Variants in KATNIP observed in about 807,000 individuals in gnomAD.
KATNIP encodes the protein katanin-interacting protein.
Under a neutral mutation model 174.0 loss-of-function variants are expected in KATNIP, and 126 were observed. That is an observed-to-expected ratio of 0.72 (90% CI 0.63 to 0.84). KATNIP has a LOEUF of 0.84. Among genes scored for constraint, KATNIP ranks in the 40% least tolerant of loss-of-function variants. The probability of loss-of-function intolerance (pLI) is 0.00; values close to 1 mark genes in which losing one functional copy is unlikely to be tolerated. For missense variants in KATNIP, 1,958 were observed against 2,109.7 expected, an observed-to-expected ratio of 0.93 and a Z score of 1.41; for synonymous variants, 810 against 835.7, an observed-to-expected ratio of 0.97 and a Z score of 0.53.
At chr16:27,662,730 T>G (rs573477963) in intron 6 of KATNIP, among the ~76,000 whole-genome samples, 200 of 152,316 alleles carry the variant, frequency 1.3e-3, no homozygotes, top group Non-Finnish European at 2.5e-3. Flanking sequence ...AACTTCTGAA[T>G]CAATATTAGA....
intron 13 of KATNIP, among the ~76,000 whole-genome samples, chr16:27,720,310 C>T (rs1174498589): frequency 3.3e-5 from 5 of 151,924 alleles, no homozygotes; most frequent in Non-Finnish European, 5.9e-5. Context: ...AGGCTGGTCT[C>T]GAGCTCCTGA....
intron 5 of KATNIP, among the ~76,000 whole-genome samples, chr16:27,636,812 A>G (rs1472486512): frequency 6.6e-6 from 1 of 152,206 alleles, no homozygotes; most frequent in Non-Finnish European, 1.5e-5. Context: ...CTTTGGTTTC[A>G]TCATCAATGA....
intron 18 of KATNIP, among the ~76,000 whole-genome samples, chr16:27,760,025 G>A (rs1001647698): frequency 2.6e-5 from 4 of 152,220 alleles, no homozygotes; most frequent in African/African-American, 4.8e-5. Context: ...CAAAAAGTAT[G>A]TTGGGAGATG....
At chr16:27,690,262 G>A (rs910845620) in intron 8 of KATNIP, among the ~76,000 whole-genome samples, 1 of 151,872 alleles carries the variant, frequency 6.6e-6, no homozygotes, top group Non-Finnish European at 1.5e-5. Context: ...GCTGCAGTGA[G>A]CCATACTCAT....
At chr16:27,658,304 G>A (rs954690912) in intron 6 of KATNIP, among the ~76,000 whole-genome samples, 3 of 152,168 alleles carry the variant, frequency 2.0e-5, no homozygotes, top group East Asian at 3.9e-4. Flanking sequence ...TGTTTAAGAC[G>A]CATTTTTTAG....
intron 8 of KATNIP, among the ~76,000 whole-genome samples, chr16:27,682,963 C>T (rs938642648): frequency 2.6e-5 from 4 of 152,120 alleles, no homozygotes; most frequent in African/African-American, 9.7e-5. Flanking sequence ...TGCAGAGTCC[C>T]CACCAGCAAG....
chr16:27,738,714 A>G (rs771689895), intron 14 of KATNIP, among the ~76,000 whole-genome samples: 1 of 152,192 alleles, frequency 6.6e-6, no homozygotes, highest in Non-Finnish European at 1.5e-5. Context: ...ACTTGTTCTG[A>G]GTCCAGAAGT....
chr16:27,708,182 CT>C (rs75510688), intron 12 of KATNIP, among the ~76,000 whole-genome samples: 86 of 145,674 alleles, frequency 5.9e-4, no homozygotes, highest in Admixed American at 7.6e-4. Context: ...GTGCCAAGCT[CT>C]TTTTTTTTTT....
rs532802306 is a variant in KATNIP, at chr16:27,605,012, T to C, written c.64-13413T>C. ...GGCGTGATCTCGGCTCACTGCAACC[T>C]CTGCCTCCCAGGTTCAAGCAATTCT... is the stretch of plus-strand genomic sequence containing the variant. On this transcript the variant is annotated intron_variant, in intron 2 of 27. Transcript: ENST00000261588. 2.5e-3 allele frequency among the ~76,000 whole-genome samples: 385 copies of C among 152,314 alleles called. 2 individuals are homozygous for C. Among genetic ancestry groups the C allele is most frequent in the African/African-American group, 8.8e-3 (366 of 41,576 alleles).
At chr16:27,772,026 C>T (rs1240403032) in intron 22 of KATNIP, among the ~76,000 whole-genome samples, 1 of 152,158 alleles carries the variant, frequency 6.6e-6, no homozygotes, top group African/African-American at 2.4e-5. Context: ...CCTGTAATCC[C>T]AGCGCTTTAG....
At chr16:27,699,398 T>A in intron 9 of KATNIP, 136 bp from the exon 10 acceptor site, 3 of 1,451,502 alleles carry the variant, frequency 2.1e-6, no homozygotes, top group Non-Finnish European at 2.8e-6. Flanking sequence ...CCCAGACCTC[T>A]GACCTTGCCC....
In KATNIP at chr16:27,677,818, CAT is replaced by C. The variant is rs1394589491; in HGVS notation, c.632_633del (p.Ile211ThrfsTer3). 1 of 1,614,180 alleles carries C rather than the reference CAT, an allele frequency of 6.2e-7. No individual in the cohort carries two copies. Among genetic ancestry groups the C allele is most frequent in the Admixed American group, 1.7e-5 (1 of 60,022 alleles). On this transcript the variant is annotated frameshift_variant, in exon 7 of 28. Coordinates refer to ENST00000261588, the MANE Select transcript of KATNIP (RefSeq NM_015202.5). LOFTEE classifies it high-confidence loss of function. ...SDEYDSIEED[I>X]LSEPEPEDPA... is the part of the protein sequence containing the mutation. ...ATGAGTATGACTCTATTGAGGAAGA[CAT>C]ACTCTCTGAGCCTGAGCCAGAGGAC...
rs546857513 is a variant in KATNIP at position 27,637,725 on chromosome 16, G to A, written c.408+6563G>A. Among the ~76,000 whole-genome samples the A allele has an allele frequency of 5.3e-5, 8 of 152,220 alleles. No individual in the cohort carries two copies. Among genetic ancestry groups the A allele is most frequent in the Non-Finnish European group, 1.2e-4 (8 of 68,036 alleles). Reference sequence around the variant, plus strand: ...GGGGATGAGGGTGTCAGGGTTGCAAGTAGGAAGAACCGGCCATGCAGGGCC... The same window carrying A: ...GGGGATGAGGGTGTCAGGGTTGCAAATAGGAAGAACCGGCCATGCAGGGCC... On this transcript the variant is annotated intron_variant, in intron 5 of 27. Coordinates refer to ENST00000261588, the MANE Select transcript of KATNIP (RefSeq NM_015202.5). The surrounding 1 kb of genome is among the most constrained non-coding windows in gnomAD (Gnocchi z 4.7).
chr16:27,608,225 T>A (rs961296039), intron 2 of KATNIP, among the ~76,000 whole-genome samples: 3 of 148,296 alleles, frequency 2.0e-5, no homozygotes, highest in Admixed American at 6.7e-5. Context: ...TTGGTAAAAT[T>A]CTTTTTTTTT....
intron 5 of KATNIP, among the ~76,000 whole-genome samples, chr16:27,640,677 A>ATT (rs11320678): frequency 4.6e-4 from 56 of 122,068 alleles, no homozygotes; most frequent in African/African-American, 1.5e-3. Context: ...TTGGTTTTTA[A>ATT]TTTTTTTTTT....
intron 15 of KATNIP, among the ~76,000 whole-genome samples, chr16:27,741,668 C>A (rs535551483): frequency 6.6e-6 from 1 of 152,080 alleles, no homozygotes; most frequent in African/African-American, 2.4e-5. Context: ...TTTGGGAGGC[C>A]GAGGCGGGCA....
intron 5 of KATNIP, among the ~76,000 whole-genome samples, chr16:27,638,126 G>T (rs2076689599): frequency 6.6e-6 from 1 of 152,162 alleles, no homozygotes; most frequent in Non-Finnish European, 1.5e-5. Context: ...CTTTCTCAGG[G>T]CATGGCCTGG....
intron 2 of KATNIP, among the ~76,000 whole-genome samples, chr16:27,607,043 G>A (rs1252306358): frequency 6.6e-6 from 1 of 152,100 alleles, no homozygotes; most frequent in African/African-American, 2.4e-5. Context: ...TTTTCCAGGA[G>A]GGTCCTTGGG....
At position 27,573,939 on chromosome 16, in the gene KATNIP, T is replaced by C; in HGVS notation, c.46T>C (p.Ser16Pro). 1 of 1,614,146 alleles carries C rather than the reference T, an allele frequency of 6.2e-7. No individual in the cohort carries two copies. The highest frequency in any genetic ancestry group is 8.5e-7 in the Non-Finnish European group (1 of 1,180,018). Residue 16 changes from serine (S) to proline (P), a missense_variant, in exon 2 of 28, where the codon TCA becomes CCA. This residue lies in a region of KATNIP where 1,557 missense variants were observed against 1,617.8 expected (regional missense o/e 0.96). Transcript: ENST00000261588. Reference sequence around the variant, plus strand: ...AAAGGCCGAGAGAAGCTGGTCCTGCTCACGAGAGAAAAAGGAGGTAAATGT... The same window carrying C: ...AAAGGCCGAGAGAAGCTGGTCCTGCCCACGAGAGAAAAAGGAGGTAAATGT... The part of the protein sequence containing the change: ...LRKAERSWSC[S>P]REKKEGYAKD...
Sources: allele counts gnomAD v4.1 joint callset (sites outside exome capture counted in the v4.1 genomes callset), GRCh38; gene constraint gnomAD v4.1.1; regional missense constraint gnomAD v4.1.1; non-coding constraint Gnocchi (gnomAD v3.1); transcripts MANE v1.5; gene names NCBI Gene and HGNC (gene_info 2026-07-23, HGNC 2026-07-21).